Variants in ZEB2 observed in about 807,000 individuals in gnomAD.
ZEB2 encodes zinc finger E-box-binding homeobox 2.
In ZEB2, 6 loss-of-function variants were observed where a neutral mutation model predicts 99.9. The observed-to-expected ratio is 0.06, with a 90% CI of 0.03 to 0.12. ZEB2 has a LOEUF of 0.12. ZEB2 is among the 10% of genes least tolerant of loss of function. ZEB2 has a pLI of 1.00. For synonymous variants in ZEB2, 517 were observed against 542.5 expected (o/e 0.95, Z 0.65); for missense variants, 969 against 1,502.8 (o/e 0.64, Z 5.87).
chr2:144,504,666 C>CGTGT (rs1269245649), intron 2 of ZEB2: 1 of 152,170 alleles, frequency 6.6e-6, no homozygotes, highest in Non-Finnish European at 1.5e-5. Context: ...GTTAAAGAGA[C>CGTGT]AAGGGCTTTT....
intron 2 of ZEB2, chr2:144,513,837 A>G (rs1305477474): frequency 1.3e-6 from 2 of 1,534,780 alleles, no homozygotes; most frequent in African/African-American, 1.4e-5. Flanking sequence ...GGAAAGAAAA[A>G]GGGGGGCTGG....
At chr2:144,518,262 CGTATCCTTTCTGGCTT>C (rs1382453849) in intron 1 of ZEB2, 2 of 151,920 alleles carry the variant, frequency 1.3e-5, no homozygotes, top group African/African-American at 4.8e-5. Context: ...ACTAAATGAT[CGTATCCTTTCTGGCTT>C]CGAAACTTTT....
rs111651293 is a variant in ZEB2 at position 144,484,565 on chromosome 2, C to T, written c.73+32713G>A. 3.1e-3 allele frequency among the ~76,000 whole-genome samples: 473 copies of T among 152,250 alleles called. 2 individuals carry two copies. Among genetic ancestry groups the T allele is most frequent in the African/African-American group, 0.011 (455 of 41,562 alleles). ...AATGGCTTCTTCTGTATTTCTCCCA[C>T]CCAAACCTTTTCCTATTTGCCATGG... is the stretch of plus-strand genomic sequence containing the variant. On this transcript the variant is annotated intron_variant, in intron 2 of 9. Transcript: ENST00000627532.
rs1391857705 is a variant in ZEB2, at chr2:144,389,052, A to T, written c.*399T>A. On this transcript the variant is annotated 3_prime_UTR_variant, in exon 10 of 10. Coordinates refer to ENST00000627532, the MANE Select transcript of ZEB2 (RefSeq NM_014795.4). This position sits in a 1 kb window ranked among gnomAD's most constrained non-coding sequence, Gnocchi z 6.8. The stretch of plus-strand genomic sequence containing the variant: ...AAAGGAATAACAATAATAATAATAA[A>T]AATACTGATGTATGGTAGTGCGGGC... 1.8e-5 allele frequency: 8 copies of T among 449,014 alleles called. No individual in the cohort carries two copies. Among genetic ancestry groups the T allele is most frequent in the Non-Finnish European group, 2.8e-5 (7 of 252,954 alleles). The allele number at this position is 449,014 out of a possible 1,614,324, so 27.8% of individuals were successfully genotyped here. A position where few individuals can be genotyped will look rare whatever the true frequency, so the allele number is the denominator to read the frequency against.
At chr2:144,419,398 G>A (rs77743979) in intron 4 of ZEB2, among the ~76,000 whole-genome samples, 227 of 152,260 alleles carry the variant, frequency 1.5e-3, no homozygotes, top group African/African-American at 5.2e-3. Context: ...CAAAGGAAGC[G>A]CAGATGCAGG....
At chr2:144,460,425 G>A (rs764681178) in intron 2 of ZEB2, among the ~76,000 whole-genome samples, 3 of 151,824 alleles carry the variant, frequency 2.0e-5, no homozygotes, top group Non-Finnish European at 4.4e-5. Context: ...ATTAAGCCCA[G>A]CCAGCCTTAT....
intron 2 of ZEB2, among the ~76,000 whole-genome samples, chr2:144,497,937 AATATTAT>A (rs1330648836): frequency 6.0e-5 from 1 of 16,578 alleles, no homozygotes; most frequent in African/African-American, 2.7e-4. Context: ...AATATATATT[AATATTAT>A]ATATTATATA....
chr2:144,451,053 A>G (rs995297224), intron 2 of ZEB2, among the ~76,000 whole-genome samples: 14 of 152,188 alleles, frequency 9.2e-5, no homozygotes, highest in Non-Finnish European at 2.1e-4. Flanking sequence ...GTGATTTTAG[A>G]AACTGAGAGT....
chr2:144,463,959 T>C (rs1006208652), intron 2 of ZEB2: 7 of 152,194 alleles, frequency 4.6e-5, no homozygotes, highest in Non-Finnish European at 8.8e-5. Flanking sequence ...GGATTCATGG[T>C]ACAGGAAAGA....
chr2:144,440,499 ATATATATATATATATATTTTTTTTTTTTT>A (rs1254708113), intron 2 of ZEB2, among the ~76,000 whole-genome samples: 5 of 22,978 alleles, frequency 2.2e-4, no homozygotes, highest in Admixed American at 1.4e-3. Context: ...ATATATATAT[ATATATATATATATATATTTTTTTTTTTTT>A]TTTTTTTTTT....
At chr2:144,519,811 C>G (rs1329979916) in intron 1 of ZEB2, 128 bp downstream of exon 1, 4 of 360,248 alleles carry the variant, frequency 1.1e-5, no homozygotes, top group African/African-American at 2.1e-5. Flanking sequence ...AAATTCCTAC[C>G]CACGGACACC....
At chr2:144,491,339 T>C (rs904096969) in intron 2 of ZEB2, among the ~76,000 whole-genome samples, 1 of 150,382 alleles carries the variant, frequency 6.6e-6, no homozygotes, top group African/African-American at 2.4e-5. Flanking sequence ...CCACTTCGTC[T>C]TTCGTTTCTT....
intron 2 of ZEB2, among the ~76,000 whole-genome samples, chr2:144,451,322 G>A (rs890820800): frequency 1.3e-5 from 2 of 152,160 alleles, no homozygotes; most frequent in Non-Finnish European, 2.9e-5. Flanking sequence ...GAGGTCCAGT[G>A]CAGAAAAGAT....
At chr2:144,390,962 TAA>T (rs2149873143) in intron 9 of ZEB2, among the ~76,000 whole-genome samples, 1 of 152,380 alleles carries the variant, frequency 6.6e-6, no homozygotes, top group South Asian at 2.1e-4. Flanking sequence ...GCTCCAGAGT[TAA>T]AGTCAGAAAT....
chr2:144,466,948 G>A (rs1011940904), intron 2 of ZEB2, among the ~76,000 whole-genome samples: 1 of 152,090 alleles, frequency 6.6e-6, no homozygotes, highest in Non-Finnish European at 1.5e-5. Flanking sequence ...TGCAGGCCTG[G>A]GAACGTGCTC....
At chr2:144,430,064 T>C in intron 2 of ZEB2, 38 bp from the exon 3 acceptor site, 2 of 1,608,564 alleles carry the variant, frequency 1.2e-6, no homozygotes, top group South Asian at 2.2e-5. Context: ...CTAAACACTC[T>C]GTTGAGAAAC....
chr2:144,437,013 G>A (rs1560623850), intron 2 of ZEB2, among the ~76,000 whole-genome samples: 1 of 151,968 alleles, frequency 6.6e-6, no homozygotes, highest in Non-Finnish European at 1.5e-5. Flanking sequence ...ACTCATAATG[G>A]TTTTGATTAC....
At chr2:144,424,393 G>C (rs756841841) in intron 4 of ZEB2, 1 of 520,762 alleles carries the variant, frequency 1.9e-6, no homozygotes, top group Non-Finnish European at 3.8e-6. Flanking sequence ...AAATTTTACA[G>C]TCTAAATTAC....
intron 4 of ZEB2, 131 bp from the exon 5 acceptor site, chr2:144,405,155 T>G (rs1703370099): frequency 3.0e-6 from 3 of 986,932 alleles, no homozygotes; most frequent in East Asian, 2.6e-5. Context: ...TTGTAAGAAG[T>G]GTTGAAGATG....
Sources: gnomAD v4.1 joint callset for allele counts (sites outside exome capture counted in the v4.1 genomes callset) on GRCh38, gnomAD v4.1.1 for gene constraint, Gnocchi (gnomAD v3.1) non-coding constraint, MANE v1.5 for transcripts, NCBI Gene and HGNC (gene_info 2026-07-23, HGNC 2026-07-21) for gene names.